CPNE4: variants seen among roughly 807,000 people sequenced by gnomAD.
CPNE4 encodes the protein copine-4.
In CPNE4, 25 loss-of-function variants were observed where a neutral mutation model predicts 67.9. The ratio of observed to expected loss-of-function variants is 0.37; its 90% CI spans 0.27 to 0.51. The LOEUF is 0.51. Among genes scored for constraint, CPNE4 ranks in the 20% least tolerant of loss-of-function variants. CPNE4 has a pLI of 0.93. For missense variants in CPNE4, 464 were observed against 690.8 expected (o/e 0.67, Z 3.68); for synonymous variants, 242 against 244.9 (o/e 0.99, Z 0.11).
Position 131,889,984 on chromosome 3 carries a change from TTAC to T in CPNE4, c.180+15277_180+15279del, listed in dbSNP as rs565229596. On this transcript the variant is annotated intron_variant, in intron 2 of 15. Coordinates refer to ENST00000429747, the MANE Select transcript of CPNE4 (RefSeq NM_130808.3). The stretch of plus-strand genomic sequence containing the variant: ...AAACATAAGACCTGAAACTGAAAAA[TTAC>T]TACAAGAAAATATAGAAAAAAATTA... Among the ~76,000 whole-genome samples, 478 of 152,094 alleles carry T rather than the reference TTAC, an allele frequency of 3.1e-3. 2 individuals are homozygous for T. The highest frequency in any genetic ancestry group is 0.011 in the African/African-American group (453 of 41,482).
At chr3:131,980,743 G>A (rs2072884161) in intron 1 of CPNE4, among the ~76,000 whole-genome samples, 1 of 152,118 alleles carries the variant, frequency 6.6e-6, no homozygotes. Context: ...TGGTGAACTA[G>A]TGTGATTTTT....
At chr3:131,993,223 A>G (rs182595591) in intron 1 of CPNE4, among the ~76,000 whole-genome samples, 1 of 135,564 alleles carries the variant, frequency 7.4e-6, no homozygotes, top group East Asian at 2.4e-4. Flanking sequence ...AAAGTATCAC[A>G]AGTGGCACTA....
chr3:131,542,776 C>A lies in CPNE4; in HGVS notation c.1320G>T (p.Leu440=). The A allele has an allele frequency of 6.2e-7, 1 of 1,612,772 alleles. No homozygotes were observed. The highest frequency in any genetic ancestry group is 1.1e-5 in the South Asian group (1 of 91,006). Residue 440 remains leucine, a synonymous_variant, in exon 15 of 16, where the codon CTG becomes CTT. Coordinates refer to ENST00000429747, the MANE Select transcript of CPNE4 (RefSeq NM_130808.3). The part of the protein sequence containing the change: ...TKEASQYFIL[L]ILTDGVITDM... Reference sequence around the variant, plus strand: ...CTGTGATAACACCATCTGTCAGGATCAGCAGGATGAAGTATTGCTGCAGTC... The same window carrying A: ...CTGTGATAACACCATCTGTCAGGATAAGCAGGATGAAGTATTGCTGCAGTC...
chr3:131,878,807 A>T (rs978503440), intron 2 of CPNE4, among the ~76,000 whole-genome samples: 1 of 152,238 alleles, frequency 6.6e-6, no homozygotes, highest in African/African-American at 2.4e-5. Context: ...CAGACCTTCC[A>T]AACAATCAAA....
At chr3:131,924,328 T>C (rs980826682) in intron 1 of CPNE4, among the ~76,000 whole-genome samples, 14 of 152,146 alleles carry the variant, frequency 9.2e-5, no homozygotes, top group Non-Finnish European at 1.8e-4. Context: ...AACTGAGTCA[T>C]ACCACTCAAT....
intron 1 of CPNE4, among the ~76,000 whole-genome samples, chr3:131,974,697 G>A (rs2072599151): frequency 6.6e-6 from 1 of 152,106 alleles, no homozygotes; most frequent in South Asian, 2.1e-4. Flanking sequence ...ACCTCAGACT[G>A]TTCAAAAGGG....
chr3:131,997,016 C>A (rs1454616600), intron 1 of CPNE4, among the ~76,000 whole-genome samples: 1 of 151,854 alleles, frequency 6.6e-6, no homozygotes, highest in Admixed American at 6.6e-5. Flanking sequence ...AGTGGAGGGG[C>A]CATATAAATG....
intron 3 of CPNE4, among the ~76,000 whole-genome samples, chr3:131,721,900 C>A (rs1448816884): frequency 6.6e-6 from 1 of 152,134 alleles, no homozygotes; most frequent in African/African-American, 2.4e-5. Flanking sequence ...CTGGCAAGAT[C>A]CTTTGAACTA....
At chr3:131,799,927 G>GTGT (rs2084040702) in intron 2 of CPNE4, among the ~76,000 whole-genome samples, 2 of 81,308 alleles carry the variant, frequency 2.5e-5, no homozygotes, top group South Asian at 6.1e-4. Flanking sequence ...TGTTGTGTGT[G>GTGT]TGTGTGTGTG....
intron 2 of CPNE4, among the ~76,000 whole-genome samples, chr3:131,895,373 C>A (rs1345966805): frequency 6.6e-6 from 1 of 151,874 alleles, no homozygotes; most frequent in Admixed American, 6.6e-5. Flanking sequence ...AAAATTCTAA[C>A]CACAAAATAA....
intron 7 of CPNE4, among the ~76,000 whole-genome samples, chr3:131,658,502 C>G (rs1013748938): frequency 6.6e-6 from 1 of 152,222 alleles, no homozygotes; most frequent in Non-Finnish European, 1.5e-5. Context: ...CACACACTCT[C>G]AGAGAGAAAA....
rs546133652 is a variant in CPNE4, at chr3:131,886,962, G to A, written c.180+18302C>T. Among the ~76,000 whole-genome samples, 14 of 152,310 alleles carry A rather than the reference G, an allele frequency of 9.2e-5. 1 individual carries two copies. In the South Asian group the frequency reaches 2.9e-3, roughly 32 times the overall value. ...GGACTACGGACTTTTAGTTAATGCTGAAATGAGTTAAGACTTTGGGGGACT... is the reference window on the plus strand; with the variant it reads ...GGACTACGGACTTTTAGTTAATGCTAAAATGAGTTAAGACTTTGGGGGACT... On this transcript the variant is annotated intron_variant, in intron 2 of 15. Coordinates refer to ENST00000429747, the MANE Select transcript of CPNE4 (RefSeq NM_130808.3).
chr3:131,647,893 A>G lies in CPNE4; in HGVS notation c.681+21782T>C, dbSNP rs577481035. ...GCTCTTTTATCCTCAATGTGACTGC[A>G]TTTCAGGCCTCTTCATCTCTTGTCT... On this transcript the variant is annotated intron_variant, in intron 7 of 15. Transcript: ENST00000429747. Among the ~76,000 whole-genome samples, 5 of 152,238 alleles carry G rather than the reference A, an allele frequency of 3.3e-5. No individual in the cohort carries two copies. The East Asian group carries it at 9.6e-4, about 29-fold the overall frequency.
At position 131,539,971 on chromosome 3, in the gene CPNE4, G is replaced by C. The variant is rs1256522917; in HGVS notation, c.1539+2586C>G. Among the ~76,000 whole-genome samples, 4 of 152,292 alleles carry C rather than the reference G, an allele frequency of 2.6e-5. No homozygotes were observed. The East Asian group carries it at 7.7e-4, about 29-fold the overall frequency. ...CTGCTCTAGCTCATCCGTCTGTAAA[G>C]AATACTACTTCTTTTTGACTCTACT... On this transcript the variant is annotated intron_variant, in intron 15 of 15. Transcript: ENST00000429747.
rs527335969 is a variant in CPNE4 at position 131,828,524 on chromosome 3, A to C, written c.180+76740T>G. Among the ~76,000 whole-genome samples, 17 of 152,288 alleles carry C rather than the reference A, an allele frequency of 1.1e-4. No homozygotes were observed. In the East Asian group the frequency reaches 2.1e-3, roughly 19 times the overall value. On this transcript the variant is annotated intron_variant, in intron 2 of 15. Coordinates refer to ENST00000429747, the MANE Select transcript of CPNE4 (RefSeq NM_130808.3). ...TGTATGAATATACCACCATTTGTCCATCCATTCTCAAGTGGAATGCAATTT... is the reference window on the plus strand; with the variant it reads ...TGTATGAATATACCACCATTTGTCCCTCCATTCTCAAGTGGAATGCAATTT...
intron 3 of CPNE4, among the ~76,000 whole-genome samples, chr3:131,719,764 C>G (rs947495071): frequency 3.3e-5 from 5 of 152,206 alleles, no homozygotes; most frequent in Admixed American, 2.0e-4. Context: ...AAGGGTCACT[C>G]TCATCCTCAG....
chr3:131,896,237 G>A (rs2088326898), intron 2 of CPNE4, among the ~76,000 whole-genome samples: 1 of 151,882 alleles, frequency 6.6e-6, no homozygotes, highest in Non-Finnish European at 1.5e-5. Context: ...GACTAATTTT[G>A]ATAATATACA....
intron 2 of CPNE4, among the ~76,000 whole-genome samples, chr3:131,735,952 C>T (rs570172311): frequency 6.6e-6 from 1 of 152,318 alleles, no homozygotes; most frequent in Non-Finnish European, 1.5e-5. Flanking sequence ...GAAGCCAAAT[C>T]CAAGTTACTA....
intron 2 of CPNE4, among the ~76,000 whole-genome samples, chr3:131,899,105 C>T (rs1397310858): frequency 6.6e-6 from 1 of 152,010 alleles, no homozygotes; most frequent in Non-Finnish European, 1.5e-5. Flanking sequence ...ACTTAATTTT[C>T]ATTTTCTAGC....
Sources: gnomAD v4.1 joint callset for allele counts (sites outside exome capture counted in the v4.1 genomes callset) on GRCh38, gnomAD v4.1.1 for gene constraint, MANE v1.5 for transcripts, NCBI Gene and HGNC (gene_info 2026-07-23, HGNC 2026-07-21) for gene names.